PREX2: variants seen among roughly 807,000 people sequenced by gnomAD.
PREX2 encodes phosphatidylinositol 3,4,5-trisphosphate-dependent Rac exchanger 2 protein.
Under a neutral mutation model 203.2 loss-of-function variants are expected in PREX2, and 107 were observed. The ratio of observed to expected loss-of-function variants is 0.53; its 90% CI spans 0.45 to 0.62. The LOEUF is 0.62. PREX2 is among the 20% of genes least tolerant of loss of function. The pLI is 0.00. For missense variants in PREX2, 1,777 were observed against 1,955.9 expected (o/e 0.91, Z 1.72); for synonymous variants, 672 against 663.6 (o/e 1.01, Z -0.19).
Position 68,160,139 on chromosome 8 carries a change from A to G in PREX2, c.4346+2703A>G, listed in dbSNP as rs955477924. ...TCATGAACATATCAGCTCTTCAGTT[A>G]GAATCCTGGAAGTTTTTTCTTAGTC... is the stretch of plus-strand genomic sequence containing the variant. On this transcript the variant is annotated intron_variant, in intron 35 of 39. Coordinates refer to ENST00000288368, the MANE Select transcript of PREX2 (RefSeq NM_024870.4). Among the ~76,000 whole-genome samples the G allele has an allele frequency of 2.6e-5, 4 of 152,312 alleles. 1 individual carries two copies. In the South Asian group the frequency reaches 6.2e-4, roughly 24 times the overall value.
chr8:67,990,645 G>C (rs2129609463), intron 1 of PREX2, among the ~76,000 whole-genome samples: 1 of 152,074 alleles, frequency 6.6e-6, no homozygotes, highest in South Asian at 2.1e-4. Flanking sequence ...GAGTAACTGA[G>C]ATTACAGGTG....
chr8:68,193,028 GA>G (rs998279536), intron 37 of PREX2, among the ~76,000 whole-genome samples: 1 of 152,128 alleles, frequency 6.6e-6, no homozygotes, highest in African/African-American at 2.4e-5. Flanking sequence ...AATGTAAGGG[GA>G]AATATTTGAT....
intron 23 of PREX2, among the ~76,000 whole-genome samples, chr8:68,103,996 T>C (rs1027133026): frequency 2.6e-5 from 4 of 152,172 alleles, no homozygotes; most frequent in African/African-American, 9.7e-5. Flanking sequence ...CCAAATCAGC[T>C]CTTGATCCTT....
At chr8:68,022,318 T>TG (rs1162658812) in intron 4 of PREX2, among the ~76,000 whole-genome samples, 178 bp downstream of exon 4, 1 of 152,094 alleles carries the variant, frequency 6.6e-6, no homozygotes, top group African/African-American at 2.4e-5. Context: ...AGCTTGTGTT[T>TG]GGGGAAGTAC....
At chr8:68,029,625 G>C (rs1807822338) in intron 5 of PREX2, among the ~76,000 whole-genome samples, 1 of 152,098 alleles carries the variant, frequency 6.6e-6, no homozygotes, top group Non-Finnish European at 1.5e-5. Context: ...TTCAAGACTT[G>C]CCTCAGGATT....
rs1243716724 is a variant in PREX2 at position 68,232,482 on chromosome 8, A to G, written c.*1104A>G. 1 of 152,210 alleles carries G rather than the reference A, an allele frequency of 6.6e-6. No individual in the cohort carries two copies. Among genetic ancestry groups the G allele is most frequent in the African/African-American group, 2.4e-5 (1 of 41,454 alleles). 9.4% of individuals were successfully genotyped at this position (152,210 alleles called of 1,614,324 possible). A position where few individuals can be genotyped will look rare whatever the true frequency, so the allele number is the denominator to read the frequency against. Reference sequence around the variant, plus strand: ...TTGATGCAATAACATTGTTTTTAGCATAGTAAATACAGTAATATTTATTTT... The same window carrying G: ...TTGATGCAATAACATTGTTTTTAGCGTAGTAAATACAGTAATATTTATTTT... On this transcript the variant is annotated 3_prime_UTR_variant, in exon 40 of 40. Transcript: ENST00000288368.
chr8:68,210,004 A>T (rs1812713725), intron 37 of PREX2, among the ~76,000 whole-genome samples: 1 of 152,228 alleles, frequency 6.6e-6, no homozygotes, highest in Non-Finnish European at 1.5e-5. Flanking sequence ...CAGTTATGTT[A>T]TTACTGTACA....
chr8:68,046,259 C>T (rs1199061491), intron 8 of PREX2, among the ~76,000 whole-genome samples: 1 of 152,050 alleles, frequency 6.6e-6, no homozygotes, highest in Non-Finnish European at 1.5e-5. Context: ...GTGCCATCTG[C>T]ATTGGTGATC....
rs1194040512 is a variant in PREX2, at chr8:68,235,927, C to T, written c.*4549C>T. 3 of 152,074 alleles carry T rather than the reference C, an allele frequency of 2.0e-5. No homozygotes were observed. The highest frequency in any genetic ancestry group is 7.2e-5 in the African/African-American group (3 of 41,408). 9.4% of individuals were successfully genotyped at this position (152,074 alleles called of 1,614,324 possible). A position where few individuals can be genotyped will look rare whatever the true frequency, so the allele number is the denominator to read the frequency against. On this transcript the variant is annotated 3_prime_UTR_variant, in exon 40 of 40. Transcript: ENST00000288368. Reference sequence around the variant, plus strand: ...CTGCTTCACTCAGGATAGCTTGCTCCTCTCGCTGAGAAGAGATACCTGAAG... The same window carrying T: ...CTGCTTCACTCAGGATAGCTTGCTCTTCTCGCTGAGAAGAGATACCTGAAG...
rs188033488 is a variant in PREX2, at chr8:68,163,628, C to T, written c.4346+6192C>T. Among the ~76,000 whole-genome samples the T allele has an allele frequency of 7.1e-4, 108 of 152,246 alleles. 1 individual carries two copies. Among genetic ancestry groups the T allele is most frequent in the Admixed American group, 3.9e-3 (59 of 15,276 alleles). ...CTGAATAATTTAAATACGTGAAAAG[C>T]AGTCACAGTTGGAAGGCAGAGCAAT... On this transcript the variant is annotated intron_variant, in intron 35 of 39. Coordinates refer to ENST00000288368, the MANE Select transcript of PREX2 (RefSeq NM_024870.4).
chr8:67,997,848 C>T (rs1222277308), intron 1 of PREX2, among the ~76,000 whole-genome samples: 5 of 152,098 alleles, frequency 3.3e-5, no homozygotes, highest in African/African-American at 7.2e-5. Context: ...TCATTTCTTT[C>T]TGATATCTTA....
intron 1 of PREX2, among the ~76,000 whole-genome samples, chr8:68,003,580 G>A (rs1431381968): frequency 1.3e-5 from 2 of 152,098 alleles, no homozygotes; most frequent in Non-Finnish European, 2.9e-5. Context: ...TAGGATGAGA[G>A]GAAACGAGTT....
intron 1 of PREX2, among the ~76,000 whole-genome samples, chr8:68,015,849 A>G (rs192836282): frequency 6.6e-6 from 1 of 152,316 alleles, no homozygotes; most frequent in Admixed American, 6.5e-5. Context: ...TTTTTTCACC[A>G]ATTATCCTTA....
intron 31 of PREX2, among the ~76,000 whole-genome samples, chr8:68,131,195 G>GGC (rs1811003103): frequency 6.6e-6 from 1 of 152,186 alleles, no homozygotes; most frequent in African/African-American, 2.4e-5. Flanking sequence ...GAGGGAAGTG[G>GGC]TATGTTGAGA....
rs561152418 is a variant in PREX2, at chr8:67,964,709, T to C, written c.141+12174T>C. On this transcript the variant is annotated intron_variant, in intron 1 of 39. Coordinates refer to ENST00000288368, the MANE Select transcript of PREX2 (RefSeq NM_024870.4). ...ATGTAATTTTAAAATTTTGTGGAAG[T>C]TTCCAGAAAAAAAATTCCAAGATAA... is the stretch of plus-strand genomic sequence containing the variant. Among the ~76,000 whole-genome samples the C allele has an allele frequency of 2.6e-5, 4 of 152,254 alleles. No individual in the cohort carries two copies. The East Asian group carries it at 7.7e-4, about 29-fold the overall frequency.
chr8:68,209,217 T>C lies in PREX2; in HGVS notation c.4605-8399T>C, dbSNP rs140547081. On this transcript the variant is annotated intron_variant, in intron 37 of 39. Transcript: ENST00000288368. ...TTAGTTCTCTTGGGGTTGAAATAGA[T>C]AGTCATTATTCCTTTCTAAAATTTG... Among the ~76,000 whole-genome samples, 1,142 of 152,282 alleles carry C rather than the reference T, an allele frequency of 7.5e-3. 12 individuals carry two copies. The highest frequency in any genetic ancestry group is 0.025 in the African/African-American group (1,027 of 41,560).
intron 35 of PREX2, among the ~76,000 whole-genome samples, chr8:68,172,923 T>A (rs1811907415): frequency 6.6e-6 from 1 of 152,186 alleles, no homozygotes; most frequent in South Asian, 2.1e-4. Flanking sequence ...AATAGTGTGA[T>A]TATTTACGAC....
chr8:68,192,382 C>T lies in PREX2; in HGVS notation c.4461C>T (p.Ala1487=). The part of the protein sequence containing the change: ...NALDELYRLV[A]SFIRSKRTAA... ...TGGATGAACTTTACCGACTGGTAGC[C>T]TCGTTTATCAGATCCAAGCGCACAG... Residue 1487 remains alanine, a synonymous_variant, in exon 37 of 40, where the codon GCC becomes GCT. Transcript: ENST00000288368. 2 of 1,612,544 alleles carry T rather than the reference C, an allele frequency of 1.2e-6. No homozygotes were observed. The highest frequency in any genetic ancestry group is 1.7e-6 in the Non-Finnish European group (2 of 1,179,130).
intron 1 of PREX2, among the ~76,000 whole-genome samples, chr8:67,997,137 T>C (rs947014590): frequency 6.6e-6 from 1 of 152,216 alleles, no homozygotes; most frequent in Non-Finnish European, 1.5e-5. Context: ...AGCTCCTAAT[T>C]GTGGTTTTTG....
Sources: gnomAD v4.1 joint callset for allele counts (sites outside exome capture counted in the v4.1 genomes callset) on GRCh38, gnomAD v4.1.1 for gene constraint, MANE v1.5 for transcripts, NCBI Gene and HGNC (gene_info 2026-07-23, HGNC 2026-07-21) for gene names.